Variants in GRHL2 observed in about 807,000 individuals in gnomAD.
GRHL2 encodes the protein grainyhead like transcription factor 2, also known as grainyhead-like protein 2 homolog.
Under a neutral mutation model 83.8 loss-of-function variants are expected in GRHL2, and 21 were observed. That is an observed-to-expected ratio of 0.25 (90% CI 0.18 to 0.36). GRHL2 has a LOEUF of 0.36. Among genes scored for constraint, GRHL2 ranks in the 10% least tolerant of loss-of-function variants. GRHL2 has a pLI of 1.00. For synonymous variants in GRHL2, 280 were observed against 278.9 expected, an observed-to-expected ratio of 1.00 and a Z score of -0.04; for missense variants, 623 against 781.8, an observed-to-expected ratio of 0.80 and a Z score of 2.42.
At chr8:101,576,469 C>T (rs1230895325) in intron 6 of GRHL2, among the ~76,000 whole-genome samples, 1 of 152,154 alleles carries the variant, frequency 6.6e-6, no homozygotes, top group South Asian at 2.1e-4. Context: ...ATCTTCCCCC[C>T]TCAGTTTCCC....
chr8:101,553,123 C>T (rs754786751), intron 3 of GRHL2, among the ~76,000 whole-genome samples: 7 of 152,182 alleles, frequency 4.6e-5, no homozygotes, highest in Non-Finnish European at 7.3e-5. Context: ...TTAGGCCCCT[C>T]AGGAAGTGAG....
chr8:101,559,436 G>A (rs530574894), intron 4 of GRHL2, among the ~76,000 whole-genome samples: 2 of 151,794 alleles, frequency 1.3e-5, no homozygotes, highest in African/African-American at 2.4e-5. Context: ...AGGCTGAGGC[G>A]GGAGAATCGC....
intron 7 of GRHL2, among the ~76,000 whole-genome samples, chr8:101,579,918 C>T (rs1251568670): frequency 6.6e-6 from 1 of 152,186 alleles, no homozygotes; most frequent in African/African-American, 2.4e-5. Context: ...GTGGGCCGTA[C>T]ATTTGCTAGT....
chr8:101,616,143 T>C (rs567933220), intron 8 of GRHL2, among the ~76,000 whole-genome samples: 10 of 151,010 alleles, frequency 6.6e-5, no homozygotes, highest in African/African-American at 2.2e-4. Flanking sequence ...CTTTCTTTCT[T>C]TCTCTCTCTC....
At chr8:101,626,893 G>T (rs1002625488) in intron 9 of GRHL2, among the ~76,000 whole-genome samples, 2 of 151,984 alleles carry the variant, frequency 1.3e-5, no homozygotes, top group African/African-American at 4.8e-5. Context: ...GGAATGTATC[G>T]AAGCTTCCCG....
intron 8 of GRHL2, among the ~76,000 whole-genome samples, chr8:101,608,422 G>A (rs954176945): frequency 2.3e-4 from 35 of 152,132 alleles, no homozygotes; most frequent in African/African-American, 7.5e-4. Context: ...TGGGCCAGGC[G>A]GTGGAGGGTC....
chr8:101,617,484 C>T (rs536826276), intron 8 of GRHL2, among the ~76,000 whole-genome samples: 1 of 152,098 alleles, frequency 6.6e-6, no homozygotes, highest in Non-Finnish European at 1.5e-5. Flanking sequence ...GTAGTTAAAT[C>T]AAAAATTCAA....
At chr8:101,561,981 A>G in intron 4 of GRHL2, 1 of 710,276 alleles carries the variant, frequency 1.4e-6, no homozygotes, top group South Asian at 1.4e-5. Flanking sequence ...TACATAAAAG[A>G]AATGGTTACA....
intron 7 of GRHL2, among the ~76,000 whole-genome samples, chr8:101,594,047 C>T (rs1374071273): frequency 1.0e-5 from 1 of 99,474 alleles, no homozygotes; most frequent in African/African-American, 4.0e-5. Context: ...CCAGCCTGGA[C>T]AATAAGAGTG....
chr8:101,675,291 A>T, the GRHL2 span, among the ~76,000 whole-genome samples: 31 of 152,280 alleles, frequency 2.0e-4, no homozygotes, highest in African/African-American at 7.2e-4. Flanking sequence ...AGATGACATG[A>T]TTGTATATCT....
At chr8:101,564,982 C>T (rs1277636532) in intron 4 of GRHL2, among the ~76,000 whole-genome samples, 1 of 152,102 alleles carries the variant, frequency 6.6e-6, no homozygotes. Flanking sequence ...CTGGTTTCTG[C>T]CTTCTAGAAG....
At chr8:101,543,466 T>C in intron 2 of GRHL2, 30 bp downstream of exon 2, 1 of 1,602,350 alleles carries the variant, frequency 6.2e-7, no homozygotes, top group South Asian at 1.1e-5. Context: ...TTTTCTCTTC[T>C]TCCTGCTCCA....
intron 9 of GRHL2, among the ~76,000 whole-genome samples, chr8:101,622,731 G>T (rs1381826101): frequency 6.6e-6 from 1 of 152,098 alleles, no homozygotes; most frequent in Non-Finnish European, 1.5e-5. Context: ...GGTAGTATTT[G>T]GTTACATGAG....
rs1812322056 is a variant in GRHL2, at chr8:101,593,137, G to T, written c.1004-5920G>T. 2.0e-5 allele frequency among the ~76,000 whole-genome samples: 3 copies of T among 151,844 alleles called. 1 individual carries two copies. The highest frequency in any genetic ancestry group is 4.2e-4 in the South Asian group (2 of 4,782). On this transcript the variant is annotated intron_variant, in intron 7 of 15. Transcript: ENST00000646743. ...AATTTTTGTATTTTAGTGGAGATGGGGTTTCCCCATGTTGGCCAGGCTGGT... is the reference window on the plus strand; with the variant it reads ...AATTTTTGTATTTTAGTGGAGATGGTGTTTCCCCATGTTGGCCAGGCTGGT...
chr8:101,603,105 A>G (rs1430488938), intron 8 of GRHL2, among the ~76,000 whole-genome samples: 1 of 152,246 alleles, frequency 6.6e-6, no homozygotes, highest in East Asian at 1.9e-4. Flanking sequence ...ACCTTGATCC[A>G]AATGTGAATA....
chr8:101,563,512 G>A (rs1167114494), intron 4 of GRHL2, among the ~76,000 whole-genome samples: 2 of 152,086 alleles, frequency 1.3e-5, no homozygotes, highest in African/African-American at 4.8e-5. Context: ...ATTTCTGAGT[G>A]CCTGCTGTAT....
At chr8:101,519,454 A>G (rs1271971728) in intron 1 of GRHL2, among the ~76,000 whole-genome samples, 5 of 152,002 alleles carry the variant, frequency 3.3e-5, no homozygotes, top group African/African-American at 1.2e-4. Flanking sequence ...GCTGGAGTCC[A>G]GTGGTGTGAT....
chr8:101,522,284 A>C (rs931977602), intron 1 of GRHL2, among the ~76,000 whole-genome samples: 3 of 152,242 alleles, frequency 2.0e-5, no homozygotes, highest in African/African-American at 7.2e-5. Context: ...AAAAATAATA[A>C]CAATAATAAC....
chr8:101,514,468 G>A (rs547816092), intron 1 of GRHL2, among the ~76,000 whole-genome samples: 1 of 152,310 alleles, frequency 6.6e-6, no homozygotes, highest in African/African-American at 2.4e-5. Flanking sequence ...CCCAGCCCAA[G>A]GGCTGGAGAG....
Sources: allele counts gnomAD v4.1 joint callset (sites outside exome capture counted in the v4.1 genomes callset), GRCh38; gene constraint gnomAD v4.1.1; transcripts MANE v1.5; gene names NCBI Gene and HGNC (gene_info 2026-07-23, HGNC 2026-07-21).